Variants in ATRNL1 observed in about 807,000 individuals in gnomAD.
ATRNL1 encodes attractin-like protein 1.
In ATRNL1, 95 loss-of-function variants were observed where a neutral mutation model predicts 182.7. That is an observed-to-expected ratio of 0.52 (90% CI 0.44 to 0.62). ATRNL1 has a LOEUF of 0.62. Among genes scored for constraint, ATRNL1 ranks in the 20% least tolerant of loss-of-function variants. ATRNL1 has a pLI of 0.00. For synonymous variants in ATRNL1, 576 were observed against 568.3 expected, an observed-to-expected ratio of 1.01 and a Z score of -0.19; for missense variants, 1,471 against 1,679.5, an observed-to-expected ratio of 0.88 and a Z score of 2.17.
At chr10:115,234,025 C>T (rs1350247803) in intron 9 of ATRNL1, among the ~76,000 whole-genome samples, 1 of 151,646 alleles carries the variant, frequency 6.6e-6, no homozygotes, top group Non-Finnish European at 1.5e-5. Context: ...TACTCTAGAA[C>T]ATTTATCACA....
intron 24 of ATRNL1, 131 bp from the exon 25 acceptor site, chr10:115,519,130 CAT>C (rs1554984563): frequency 1.4e-6 from 1 of 730,286 alleles, no homozygotes; most frequent in African/African-American, 1.8e-5. Flanking sequence ...CATTCCATCA[CAT>C]ATTTGATTTA....
intron 20 of ATRNL1, among the ~76,000 whole-genome samples, chr10:115,407,983 T>C (rs552590279): frequency 6.7e-4 from 91 of 135,144 alleles, no homozygotes; most frequent in Non-Finnish European, 1.3e-3. Flanking sequence ...TGATTTGCAT[T>C]TCTTTTTTTT....
intron 28 of ATRNL1, among the ~76,000 whole-genome samples, chr10:115,907,869 C>G (rs550331657): frequency 1.3e-5 from 2 of 152,260 alleles, no homozygotes; most frequent in South Asian, 4.1e-4. Context: ...CCTTGACAAA[C>G]TAACCAGCAA....
chr10:115,177,347 A>G (rs1467704010), intron 8 of ATRNL1, among the ~76,000 whole-genome samples: 2 of 152,194 alleles, frequency 1.3e-5, no homozygotes, highest in East Asian at 1.9e-4. Flanking sequence ...CTTTCAAGGA[A>G]ATGTGTTTGA....
chr10:115,812,360 T>C (rs781936190), intron 27 of ATRNL1, among the ~76,000 whole-genome samples: 9 of 152,196 alleles, frequency 5.9e-5, no homozygotes, highest in Non-Finnish European at 1.0e-4. Context: ...CCTATCCCTG[T>C]AGTCTCATAC....
At chr10:115,751,570 C>T (rs527538073) in intron 27 of ATRNL1, among the ~76,000 whole-genome samples, 2 of 152,126 alleles carry the variant, frequency 1.3e-5, no homozygotes, top group South Asian at 4.1e-4. Flanking sequence ...ATCTCTGTCA[C>T]TGTCAAATAT....
intron 28 of ATRNL1, among the ~76,000 whole-genome samples, chr10:115,904,852 G>A (rs1431219711): frequency 6.6e-6 from 1 of 152,164 alleles, no homozygotes; most frequent in Non-Finnish European, 1.5e-5. Context: ...ATCCTAGTGA[G>A]CTAAATTTTA....
chr10:115,117,156 G>A (rs560024696), intron 1 of ATRNL1, among the ~76,000 whole-genome samples: 2 of 152,104 alleles, frequency 1.3e-5, no homozygotes, highest in East Asian at 1.9e-4. Context: ...ATCACATCAT[G>A]GAAGATAGGG....
chr10:115,151,807 G>GTATT, intron 5 of ATRNL1, among the ~76,000 whole-genome samples: 1 of 152,162 alleles, frequency 6.6e-6, no homozygotes, highest in South Asian at 2.1e-4. Flanking sequence ...GTCCTGAATG[G>GTATT]TATTGCCTAG....
chr10:115,615,992 A>G (rs1488047537), intron 26 of ATRNL1, among the ~76,000 whole-genome samples: 1 of 152,180 alleles, frequency 6.6e-6, no homozygotes, highest in Non-Finnish European at 1.5e-5. Context: ...TGGTTGAAAT[A>G]GTGGAGGCCT....
intron 26 of ATRNL1, among the ~76,000 whole-genome samples, chr10:115,724,347 G>A (rs1045364113): frequency 2.0e-5 from 3 of 152,116 alleles, no homozygotes; most frequent in African/African-American, 7.2e-5. Context: ...GAGACTAGTA[G>A]AGCAAAATGT....
At chr10:115,538,765 T>C (rs1852186712) in intron 25 of ATRNL1, among the ~76,000 whole-genome samples, 1 of 152,204 alleles carries the variant, frequency 6.6e-6, no homozygotes, top group African/African-American at 2.4e-5. Context: ...ATCCAAGGAC[T>C]CTCCCTAACT....
At chr10:115,834,980 G>A (rs1950636770) in intron 27 of ATRNL1, among the ~76,000 whole-genome samples, 1 of 152,142 alleles carries the variant, frequency 6.6e-6, no homozygotes, top group Non-Finnish European at 1.5e-5. Flanking sequence ...ACTTAGCAGT[G>A]TCCACCAACT....
intron 19 of ATRNL1, among the ~76,000 whole-genome samples, chr10:115,342,401 A>T (rs1166403857): frequency 6.6e-6 from 1 of 151,988 alleles, no homozygotes; most frequent in Non-Finnish European, 1.5e-5. Context: ...AAACTACCTT[A>T]TAGCCCATTA....
chr10:115,751,796 C>T (rs538977964), intron 27 of ATRNL1, among the ~76,000 whole-genome samples: 7 of 151,976 alleles, frequency 4.6e-5, no homozygotes, highest in African/African-American at 1.4e-4. Flanking sequence ...TACTATTTGA[C>T]GAAGAAGAGG....
intron 27 of ATRNL1, among the ~76,000 whole-genome samples, chr10:115,771,844 TCA>T (rs1555076475): frequency 6.6e-6 from 1 of 152,214 alleles, no homozygotes; most frequent in Non-Finnish European, 1.5e-5. Flanking sequence ...GCTTATTTCT[TCA>T]CATTCTTTTC....
intron 13 of ATRNL1, among the ~76,000 whole-genome samples, chr10:115,279,619 C>T (rs918228289): frequency 4.6e-5 from 7 of 152,126 alleles, no homozygotes; most frequent in African/African-American, 7.2e-5. Context: ...CTAATGTTTG[C>T]GACAGATTTC....
intron 21 of ATRNL1, among the ~76,000 whole-genome samples, chr10:115,456,580 C>T (rs1301963306): frequency 2.6e-5 from 4 of 152,060 alleles, no homozygotes; most frequent in African/African-American, 9.7e-5. Flanking sequence ...ACATGTATAC[C>T]TATGTTACAA....
chr10:115,318,683 G>T (rs1000406413), intron 18 of ATRNL1, among the ~76,000 whole-genome samples: 1 of 152,048 alleles, frequency 6.6e-6, no homozygotes, highest in Non-Finnish European at 1.5e-5. Context: ...TTGCATAGGG[G>T]TGTTTATAGT....
Sources: gnomAD v4.1 joint callset for allele counts (sites outside exome capture counted in the v4.1 genomes callset) on GRCh38, gnomAD v4.1.1 for gene constraint, MANE v1.5 for transcripts, NCBI Gene and HGNC (gene_info 2026-07-23, HGNC 2026-07-21) for gene names.